TXNRD1: variants seen among roughly 807,000 people sequenced by gnomAD.
TXNRD1 encodes thioredoxin reductase 1, cytoplasmic.
Under a neutral mutation model 80.3 loss-of-function variants are expected in TXNRD1, and 57 were observed. The ratio of observed to expected loss-of-function variants is 0.71; its 90% CI spans 0.57 to 0.89. The LOEUF is 0.89. TXNRD1 is among the 40% of genes least tolerant of loss of function. The pLI is 0.00. For missense variants in TXNRD1, 730 were observed against 803.0 expected, an observed-to-expected ratio of 0.91 and a Z score of 1.10; for synonymous variants, 291 against 285.2, an observed-to-expected ratio of 1.02 and a Z score of -0.20.
chr12:104,219,892 A>G (rs748588493), intron 1 of TXNRD1, among the ~76,000 whole-genome samples: 11 of 152,198 alleles, frequency 7.2e-5, no homozygotes, highest in Non-Finnish European at 1.3e-4. Context: ...TGCGGTCCTA[A>G]GACCACCTGC....
intron 4 of TXNRD1, chr12:104,304,002 T>C: frequency 6.2e-7 from 1 of 1,610,774 alleles, no homozygotes; most frequent in Middle Eastern, 1.7e-4. Context: ...GAGGCCGACG[T>C]AGACCCAAAG....
chr12:104,328,213 C>T (rs1252392334), intron 13 of TXNRD1, among the ~76,000 whole-genome samples: 2 of 150,188 alleles, frequency 1.3e-5, no homozygotes, highest in African/African-American at 4.9e-5. Flanking sequence ...CTTGGATTCA[C>T]ATTATGAATA....
chr12:104,311,283 T>C lies in TXNRD1; in HGVS notation c.415-7T>C, dbSNP rs77918564. 6.3e-7 allele frequency: 1 copy of C among 1,581,760 alleles called. No homozygotes were observed. The highest frequency in any genetic ancestry group is 2.3e-5 in the East Asian group (1 of 44,128). On this transcript the variant is annotated splice_region_variant and splice_polypyrimidine_tract_variant and intron_variant, in intron 4 of 16. Coordinates refer to ENST00000525566, the MANE Select transcript of TXNRD1 (RefSeq NM_001093771.3). ...AAATTATTTTCTCTTCTGTTATTTT[T>C]CTTTAGGCTTATCAGGAGGGCAGAC... is the stretch of plus-strand genomic sequence containing the variant.
At chr12:104,278,655 C>T (rs949124386) in intron 3 of TXNRD1, among the ~76,000 whole-genome samples, 8 of 151,678 alleles carry the variant, frequency 5.3e-5, no homozygotes, top group Admixed American at 4.0e-4. Flanking sequence ...GTGCACGCCA[C>T]CACACCTGGC....
At chr12:104,290,720 C>CATACATATATAT (rs1168559341) in intron 4 of TXNRD1, among the ~76,000 whole-genome samples, 3 of 55,876 alleles carry the variant, frequency 5.4e-5, no homozygotes, top group Non-Finnish European at 6.8e-5. Flanking sequence ...AAGAAATATA[C>CATACATATATAT]ATATATATAT....
intron 9 of TXNRD1, 122 bp from the exon 10 acceptor site, chr12:104,320,969 A>G (rs957996169): frequency 1.4e-6 from 1 of 717,554 alleles, no homozygotes; most frequent in Non-Finnish European, 2.4e-6. Flanking sequence ...TGTAGCTAGT[A>G]GAATGTTTAT....
intron 7 of TXNRD1, among the ~76,000 whole-genome samples, chr12:104,316,631 C>T (rs2035337244): frequency 6.6e-6 from 1 of 152,130 alleles, no homozygotes; most frequent in East Asian, 1.9e-4. Context: ...CCTCATGATC[C>T]ACCTGCCTCA....
chr12:104,252,660 T>TATATATATATATATA (rs1182730147), intron 2 of TXNRD1, among the ~76,000 whole-genome samples: 3 of 53,204 alleles, frequency 5.6e-5, no homozygotes, highest in African/African-American at 3.2e-4. Flanking sequence ...ATTTATTATT[T>TATATATATATATATA]TTTATATATA....
chr12:104,252,790 T>C (rs1432352787), intron 2 of TXNRD1, among the ~76,000 whole-genome samples: 1 of 136,310 alleles, frequency 7.3e-6, no homozygotes, highest in Non-Finnish European at 1.5e-5. Context: ...GCAAGCTCCG[T>C]CTCCCGGGTT....
intron 1 of TXNRD1, among the ~76,000 whole-genome samples, chr12:104,226,564 A>C (rs1002617315): frequency 2.0e-5 from 3 of 152,232 alleles, no homozygotes; most frequent in Non-Finnish European, 4.4e-5. Flanking sequence ...TTTGAGGCAA[A>C]GTGGAAAGAG....
At chr12:104,337,274 T>G (rs374862399) in intron 15 of TXNRD1, among the ~76,000 whole-genome samples, 7 of 152,124 alleles carry the variant, frequency 4.6e-5, no homozygotes, top group African/African-American at 9.6e-5. Flanking sequence ...ATGCAATATA[T>G]TACAGTCCTT....
intron 3 of TXNRD1, among the ~76,000 whole-genome samples, chr12:104,263,736 A>G (rs2033417145): frequency 6.6e-6 from 1 of 152,196 alleles, no homozygotes; most frequent in African/African-American, 2.4e-5. Flanking sequence ...TGGATGCCAC[A>G]TGTCACTAGC....
intron 4 of TXNRD1, among the ~76,000 whole-genome samples, chr12:104,294,891 A>C (rs2034386922): frequency 6.6e-6 from 1 of 152,236 alleles, no homozygotes; most frequent in African/African-American, 2.4e-5. Context: ...AACTATTCTT[A>C]ACTGCAGAGG....
intron 15 of TXNRD1, 36 bp from the exon 16 acceptor site, chr12:104,339,103 A>C (rs2036238954): frequency 6.2e-7 from 1 of 1,611,600 alleles, no homozygotes. Flanking sequence ...GAGAAAAATC[A>C]GCTTAATTGC....
chr12:104,311,149 C>G, intron 4 of TXNRD1, 141 bp from the exon 5 acceptor site: 1 of 962,662 alleles, frequency 1.0e-6, no homozygotes, highest in Non-Finnish European at 1.5e-6. Context: ...TTGAATATTT[C>G]CATCTGTATG....
At chr12:104,279,865 C>A (rs2033839832) in intron 3 of TXNRD1, among the ~76,000 whole-genome samples, 1 of 152,090 alleles carries the variant, frequency 6.6e-6, no homozygotes, top group Non-Finnish European at 1.5e-5. Context: ...GAGTTGAAGA[C>A]CAGCCTGGCC....
chr12:104,344,776 T>C (rs987736151), intron 16 of TXNRD1, among the ~76,000 whole-genome samples: 2 of 152,188 alleles, frequency 1.3e-5, no homozygotes, highest in African/African-American at 4.8e-5. Context: ...ACTTTTTACT[T>C]CTGTGAGTAA....
rs917980064 is a variant in TXNRD1, at chr12:104,266,928, C to T, written c.304+8849C>T. 3.3e-5 allele frequency among the ~76,000 whole-genome samples: 5 copies of T among 152,008 alleles called. No homozygotes were observed. In the South Asian group the frequency reaches 1.0e-3, roughly 32 times the overall value. On this transcript the variant is annotated intron_variant, in intron 3 of 16. Coordinates refer to ENST00000525566, the MANE Select transcript of TXNRD1 (RefSeq NM_001093771.3). ...AATAAGCCAAGATCGAGCCACTGCA[C>T]TCCAGCCCAGGCGACAGAGCGAGAC...
intron 4 of TXNRD1, among the ~76,000 whole-genome samples, chr12:104,295,936 A>G (rs960137336): frequency 6.6e-6 from 1 of 152,190 alleles, no homozygotes; most frequent in Non-Finnish European, 1.5e-5. Context: ...TTGAATACCT[A>G]TTATGTGTTA....
Sources: allele counts gnomAD v4.1 joint callset (sites outside exome capture counted in the v4.1 genomes callset), GRCh38; gene constraint gnomAD v4.1.1; transcripts MANE v1.5; gene names NCBI Gene and HGNC (gene_info 2026-07-23, HGNC 2026-07-21).